The following PRKX variants were observed in gnomAD, a reference collection of about 807,000 sequenced individuals.
PRKX encodes cAMP-dependent protein kinase catalytic subunit PRKX.
A neutral mutation model predicts 22.0 loss-of-function variants in PRKX; 12 were observed. The ratio of observed to expected loss-of-function variants is 0.54; its 90% CI spans 0.35 to 0.88. The LOEUF (loss-of-function observed/expected upper bound fraction) is 0.88, where lower values mean the gene tolerates loss of function less well. Ranked by LOEUF, PRKX falls within the 40% of genes least tolerant of loss-of-function variation. The pLI is 0.01. For missense variants in PRKX, 217 were observed against 308.0 expected, an observed-to-expected ratio of 0.70 and a Z score of 2.21; for synonymous variants, 134 against 137.7, an observed-to-expected ratio of 0.97 and a Z score of 0.19.
At chrX:3,635,366 C>T (rs762266641) in intron 4 of PRKX, among the ~76,000 whole-genome samples, 1 of 111,487 alleles carries the variant, frequency 9.0e-6, no homozygotes, top group East Asian at 2.8e-4. Flanking sequence ...TCTTAGTTGA[C>T]ACCTATGAAG....
In PRKX at chrX:3,682,014, G is replaced by T. The variant is rs761601721; in HGVS notation, c.167-7248C>A. On this transcript the variant is annotated intron_variant, in intron 1 of 8. Coordinates refer to ENST00000262848, the MANE Select transcript of PRKX (RefSeq NM_005044.5). ...CTAGAACTCAAAACACTTCAGGAGA[G>T]CTGTATGGAATAAACACAGGGACCG... Among the ~76,000 whole-genome samples, 482 of 111,588 alleles carry T rather than the reference G, an allele frequency of 4.3e-3. 5 individuals carry two copies. Among genetic ancestry groups the T allele is most frequent in the African/African-American group, 0.015 (449 of 30,656 alleles).
At chrX:3,642,043 C>G (rs1463682152) in intron 3 of PRKX, 72 bp from the exon 4 acceptor site, 1 of 736,173 alleles carries the variant, frequency 1.4e-6, no homozygotes, top group African/African-American at 2.2e-5. Flanking sequence ...CTTAGAAGCT[C>G]TGATTGTTAC....
At chrX:3,637,310 G>A (rs975878488) in intron 4 of PRKX, among the ~76,000 whole-genome samples, 5 of 111,401 alleles carry the variant, frequency 4.5e-5, no homozygotes, top group Non-Finnish European at 9.4e-5. Flanking sequence ...ATATGATAAC[G>A]AGCCTCCGAT....
At chrX:3,654,352 T>C (rs1603474108) in intron 3 of PRKX, among the ~76,000 whole-genome samples, 1 of 101,474 alleles carries the variant, frequency 9.9e-6, no homozygotes, top group South Asian at 4.0e-4. Flanking sequence ...TTCTATTTAA[T>C]ATACATATAT....
intron 1 of PRKX, among the ~76,000 whole-genome samples, chrX:3,699,944 T>G (rs1928523455): frequency 9.0e-6 from 1 of 111,588 alleles, no homozygotes; most frequent in African/African-American, 3.3e-5. Context: ...TGTGGCTTTT[T>G]GGGTGAAGAG....
intron 1 of PRKX, among the ~76,000 whole-genome samples, chrX:3,702,847 C>A (rs1328075358): frequency 8.2e-5 from 9 of 109,198 alleles, no homozygotes; most frequent in Non-Finnish European, 1.7e-4. Flanking sequence ...GCATGCGTCC[C>A]CATGCGTGGC....
At chrX:3,609,370 A>G (rs1926247267) in intron 8 of PRKX, among the ~76,000 whole-genome samples, 1 of 111,800 alleles carries the variant, frequency 8.9e-6, no homozygotes, top group Non-Finnish European at 1.9e-5. Flanking sequence ...CATGTTTGCC[A>G]GGCTGGTCTC....
At position 3,713,273 on chromosome X, in the gene PRKX, G is replaced by T; in HGVS notation, c.-20C>A. ...CTCCATGGGGACGCACTCAGGTCCGGGGCACCGGGCCAGGCCGGAGCGCTC... is the reference window on the plus strand; with the variant it reads ...CTCCATGGGGACGCACTCAGGTCCGTGGCACCGGGCCAGGCCGGAGCGCTC... On this transcript the variant is annotated 5_prime_UTR_variant, in exon 1 of 9. Transcript: ENST00000262848. 2.0e-6 allele frequency: 2 copies of T among 1,011,015 alleles called. No individual in the cohort carries two copies. The highest frequency in any genetic ancestry group is 2.5e-6 in the Non-Finnish European group (2 of 804,211). The allele number at this position is 1,011,015 out of a possible 1,213,427, so 83.3% of individuals were successfully genotyped here.
chrX:3,678,044 G>C (rs1447771068), intron 1 of PRKX, among the ~76,000 whole-genome samples: 1 of 111,845 alleles, frequency 8.9e-6, no homozygotes, highest in Non-Finnish European at 1.9e-5. Context: ...AGGGCTTTGA[G>C]GACTGTGAAC....
chrX:3,690,899 G>C (rs1417144074), intron 1 of PRKX, among the ~76,000 whole-genome samples: 5 of 112,338 alleles, frequency 4.5e-5, no homozygotes, highest in African/African-American at 1.3e-4. Context: ...AATAACATTT[G>C]AGTGCAACTC....
intron 2 of PRKX, among the ~76,000 whole-genome samples, chrX:3,659,729 GTTTTTT>G (rs200394116): frequency 3.1e-5 from 1 of 32,659 alleles, no homozygotes; most frequent in African/African-American, 1.6e-4. Flanking sequence ...TTTTTTTTTT[GTTTTTT>G]TTTTTTTTGA....
intron 4 of PRKX, among the ~76,000 whole-genome samples, chrX:3,639,570 G>C (rs1927021330): frequency 1.0e-5 from 1 of 95,269 alleles, no homozygotes; most frequent in African/African-American, 3.9e-5. Flanking sequence ...AGGGGTTGGG[G>C]GGTAGGTGGG....
chrX:3,653,739 A>T (rs6641596), intron 3 of PRKX, among the ~76,000 whole-genome samples: 1 of 63,107 alleles, frequency 1.6e-5, no homozygotes, highest in Non-Finnish European at 2.7e-5. Context: ...GATATATATA[A>T]TATATATAAT....
intron 4 of PRKX, among the ~76,000 whole-genome samples, chrX:3,638,167 T>C (rs1431427057): frequency 1.3e-4 from 15 of 111,818 alleles, no homozygotes; most frequent in Non-Finnish European, 2.3e-4. Context: ...TTATAGCCTA[T>C]TAACAATTCT....
intron 5 of PRKX, among the ~76,000 whole-genome samples, chrX:3,625,743 T>G (rs1313200165): frequency 2.7e-5 from 3 of 110,656 alleles, no homozygotes; most frequent in African/African-American, 9.9e-5. Context: ...AGCTAATTTT[T>G]TATATTTTCA....
In PRKX at chrX:3,615,863, C is replaced by T. The variant is rs1319936688; in HGVS notation, c.903G>A (p.Arg301=). 4 of 1,206,292 alleles carry T rather than the reference C, an allele frequency of 3.3e-6. No homozygotes were observed. The highest frequency in any genetic ancestry group is 4.5e-6 in the Non-Finnish European group (4 of 893,315). ...CTTCCCAGTCCACGGAGCGGAACCA[C>T]CGATGATGCTTCACATCATTCGCCC... The part of the protein sequence containing the change: ...KNGANDVKHH[R]WFRSVDWEAV... The change falls in exon 7 of 9, where the codon CGG becomes CGA. Residue 301 remains arginine, a synonymous_variant. Transcript: ENST00000262848.
rs1292159054 is a variant in PRKX at position 3,684,863 on chromosome X, C to T, written c.167-10097G>A. Among the ~76,000 whole-genome samples the T allele has an allele frequency of 2.7e-5, 3 of 111,992 alleles. No individual in the cohort carries two copies. The Admixed American group carries it at 2.9e-4, about 11-fold the overall frequency. ...ATAGAGTCCTGCTCTGTGGCCCAGA[C>T]TGGAGTGTAGTGGCACGATCACAGC... On this transcript the variant is annotated intron_variant, in intron 1 of 8. Transcript: ENST00000262848.
At chrX:3,652,335 G>A (rs1393659387) in intron 3 of PRKX, among the ~76,000 whole-genome samples, 2 of 108,655 alleles carry the variant, frequency 1.8e-5, no homozygotes, top group African/African-American at 6.7e-5. Flanking sequence ...GGAGAATGGC[G>A]TGAACTCGGG....
chrX:3,674,916 G>A (rs1927920101), intron 1 of PRKX, 150 bp from the exon 2 acceptor site: 1 of 597,820 alleles, frequency 1.7e-6, no homozygotes, highest in Non-Finnish European at 2.7e-6. Context: ...GGTGCACGTG[G>A]GCTGATGGCA....
Sources: allele counts gnomAD v4.1 joint callset (sites outside exome capture counted in the v4.1 genomes callset), GRCh38; gene constraint gnomAD v4.1.1; transcripts MANE v1.5; gene names NCBI Gene and HGNC (gene_info 2026-07-23, HGNC 2026-07-21).